SV2B: variants seen among roughly 807,000 people sequenced by gnomAD.
SV2B encodes solute carrier family 22 member B2.
A neutral mutation model predicts 73.9 loss-of-function variants in SV2B; 41 were observed. The observed-to-expected ratio is 0.56, with a 90% CI of 0.43 to 0.72. The LOEUF (loss-of-function observed/expected upper bound fraction) is 0.72, where lower values mean the gene tolerates loss of function less well. SV2B is among the 30% of genes least tolerant of loss of function. The probability of loss-of-function intolerance (pLI) is 0.00; values close to 1 mark genes in which losing one functional copy is unlikely to be tolerated. For missense variants in SV2B, 764 were observed against 857.8 expected (o/e 0.89, Z 1.37); for synonymous variants, 314 against 314.2 (o/e 1.00, Z 0.01).
rs1222208673 is a variant in SV2B, at chr15:91,141,443, A to G, written c.-392+41080A>G. ...CCTAATCCAGGTGATAAGTGAGTTCATTGAGGTATCCTGGTCAAGGGTGGA... is the reference window on the plus strand; with the variant it reads ...CCTAATCCAGGTGATAAGTGAGTTCGTTGAGGTATCCTGGTCAAGGGTGGA... On this transcript the variant is annotated intron_variant, in intron 1 of 12. Transcript: ENST00000394232. The surrounding 1 kb of genome is among the most constrained non-coding windows in gnomAD (Gnocchi z 4.6). Among the ~76,000 whole-genome samples, 1 of 152,200 alleles carries G rather than the reference A, an allele frequency of 6.6e-6. No homozygotes were observed. The highest frequency in any genetic ancestry group is 1.5e-5 in the Non-Finnish European group (1 of 68,042).
Position 91,252,100 on chromosome 15 carries a change from C to T in SV2B, c.632+101C>T. ...GTAACTCTAGAAACCCTTGGACTGA[C>T]TGAGTTTTTGTTTGACTTTCAGGAT... On this transcript the variant is annotated intron_variant, in intron 3 of 12. Transcript: ENST00000394232. This position sits in a 1 kb window ranked among gnomAD's most constrained non-coding sequence, Gnocchi z 4.6. The T allele has an allele frequency of 6.9e-7, 1 of 1,450,818 alleles. No individual in the cohort carries two copies. Among genetic ancestry groups the T allele is most frequent in the Non-Finnish European group, 9.3e-7 (1 of 1,079,040 alleles). 89.9% of individuals were successfully genotyped at this position (1,450,818 alleles called of 1,614,324 possible).
At chr15:91,166,979 AT>A (rs1235703075) in intron 1 of SV2B, among the ~76,000 whole-genome samples, 7 of 151,688 alleles carry the variant, frequency 4.6e-5, no homozygotes, top group African/African-American at 1.5e-4. Context: ...ATGCCCGGCT[AT>A]TTTTTTGTAT....
chr15:91,185,704 G>T (rs1193255868), intron 1 of SV2B, among the ~76,000 whole-genome samples: 1 of 152,178 alleles, frequency 6.6e-6, no homozygotes, highest in African/African-American at 2.4e-5. Flanking sequence ...TGATGATAAT[G>T]GCTGGCATTT....
chr15:91,226,383 TG>T lies in SV2B; in HGVS notation c.121del (p.Glu41ArgfsTer40). The T allele has an allele frequency of 6.2e-7, 1 of 1,614,078 alleles. No individual in the cohort carries two copies. The highest frequency in any genetic ancestry group is 1.1e-5 in the South Asian group (1 of 91,070). ...AGAGTGATGTCACCGAAGGCCATGATGAGGAAGACGAGATCTATGAGGGCGA... is the reference window on the plus strand; with the variant it reads ...AGAGTGATGTCACCGAAGGCCATGATAGGAAGACGAGATCTATGAGGGCGA... Reference protein sequence around the residue: ...AQSDVTEGHDEEDEIYEGEYQ... With the variant: ...AQSDVTEGHDXEDEIYEGEYQ... On this transcript the variant is annotated frameshift_variant, in exon 2 of 13. Coordinates refer to ENST00000394232, the MANE Select transcript of SV2B (RefSeq NM_001323032.3). LOFTEE classifies it high-confidence loss of function.
rs1258857710 is a variant in SV2B, at chr15:91,266,830, C to T, written c.1119+138C>T. The T allele has an allele frequency of 5.8e-5, 36 of 617,198 alleles. No homozygotes were observed. The South Asian group carries it at 5.9e-4, about 10-fold the overall frequency. The allele number at this position is 617,198 out of a possible 1,614,324, so 38.2% of individuals were successfully genotyped here. Reference sequence around the variant, plus strand: ...GAGAGGAAGCAACCCTGGAGGGGGGCGTTTGGGCTCCAGCCCACGTCTGCC... The same window carrying T: ...GAGAGGAAGCAACCCTGGAGGGGGGTGTTTGGGCTCCAGCCCACGTCTGCC... On this transcript the variant is annotated intron_variant, in intron 7 of 12. Transcript: ENST00000394232.
rs1454877862 is a variant in SV2B at position 91,136,812 on chromosome 15, C to G, written c.-392+36449C>G. On this transcript the variant is annotated intron_variant, in intron 1 of 12. Coordinates refer to ENST00000394232, the MANE Select transcript of SV2B (RefSeq NM_001323032.3). The surrounding 1 kb of genome is among the most constrained non-coding windows in gnomAD (Gnocchi z 5.6). ...CATCTGAAGGCTGGCACATGGGATC[C>G]AGAGGTGGGTGGCAGTGATGAAACA... Among the ~76,000 whole-genome samples, 2 of 152,074 alleles carry G rather than the reference C, an allele frequency of 1.3e-5. No individual in the cohort carries two copies. Among genetic ancestry groups the G allele is most frequent in the African/African-American group, 4.8e-5 (2 of 41,406 alleles).
At position 91,301,064 on chromosome 15, in the gene SV2B, A is replaced by G. The variant is rs2049428483; in HGVS notation, c.*8512A>G. On this transcript the variant is annotated 3_prime_UTR_variant, in exon 13 of 13. Transcript: ENST00000394232. The surrounding 1 kb of genome is among the most constrained non-coding windows in gnomAD (Gnocchi z 4.3). ...CGTTTCCCAGTCCCATGTCACATTG[A>G]CCAGTCCTGTGGTCCTATGGCTAAG... is the stretch of plus-strand genomic sequence containing the variant. The G allele has an allele frequency of 6.6e-6, 1 of 152,180 alleles. No individual in the cohort carries two copies. The highest frequency in any genetic ancestry group is 2.4e-5 in the African/African-American group (1 of 41,444). 9.4% of individuals were successfully genotyped at this position (152,180 alleles called of 1,614,324 possible).
chr15:91,151,593 G>A (rs1026189154), intron 1 of SV2B, among the ~76,000 whole-genome samples: 4 of 152,182 alleles, frequency 2.6e-5, no homozygotes, highest in African/African-American at 9.7e-5. Flanking sequence ...TTTTCAAGAA[G>A]GCTAAAATTT....
chr15:91,136,836 C>T lies in SV2B; in HGVS notation c.-392+36473C>T, dbSNP rs1205132402. Among the ~76,000 whole-genome samples, 1 of 152,070 alleles carries T rather than the reference C, an allele frequency of 6.6e-6. No homozygotes were observed. The highest frequency in any genetic ancestry group is 1.5e-5 in the Non-Finnish European group (1 of 68,030). ...CCAGAGGTGGGTGGCAGTGATGAAA[C>T]AAGAGGGCAAGCAGCTTTGGCAGGA... On this transcript the variant is annotated intron_variant, in intron 1 of 12. Transcript: ENST00000394232. The surrounding 1 kb of genome is among the most constrained non-coding windows in gnomAD (Gnocchi z 5.6).
intron 1 of SV2B, among the ~76,000 whole-genome samples, chr15:91,142,454 A>G (rs765370923): frequency 2.0e-5 from 3 of 152,214 alleles, no homozygotes; most frequent in Non-Finnish European, 4.4e-5. Flanking sequence ...TATTTAAGTA[A>G]TGAGATGCTG....
At chr15:91,202,436 A>G (rs1035071721) in intron 1 of SV2B, among the ~76,000 whole-genome samples, 4 of 152,236 alleles carry the variant, frequency 2.6e-5, no homozygotes, top group African/African-American at 4.8e-5. Flanking sequence ...ATTTACCAAC[A>G]TTGTGTCTTC....
chr15:91,251,780 T>G (rs901161078), intron 2 of SV2B, 39 bp from the exon 3 acceptor site: 5 of 1,590,876 alleles, frequency 3.1e-6, no homozygotes, highest in Admixed American at 1.7e-5. Context: ...ATCTTTTGTC[T>G]TTTCTCTCTA....
At position 91,197,374 on chromosome 15, in the gene SV2B, G is replaced by T. The variant is rs2045286903; in HGVS notation, c.-391-28499G>T. 6.6e-6 allele frequency among the ~76,000 whole-genome samples: 1 copy of T among 151,864 alleles called. No homozygotes were observed. The highest frequency in any genetic ancestry group is 2.1e-4 in the South Asian group (1 of 4,814). ...CTCCCGAGTAGCTGGGATTACAGGG[G>T]TCCGCCACCACACCTGTTTTTATAT... On this transcript the variant is annotated intron_variant, in intron 1 of 12. Coordinates refer to ENST00000394232, the MANE Select transcript of SV2B (RefSeq NM_001323032.3). This position sits in a 1 kb window ranked among gnomAD's most constrained non-coding sequence, Gnocchi z 4.9.
chr15:91,203,597 A>G (rs889297347), intron 1 of SV2B, among the ~76,000 whole-genome samples: 1 of 152,242 alleles, frequency 6.6e-6, no homozygotes, highest in African/African-American at 2.4e-5. Flanking sequence ...GTTACGGTTT[A>G]GCTTGGGTTT....
At chr15:91,270,841 G>A (rs142179267) in intron 9 of SV2B, among the ~76,000 whole-genome samples, 1,285 of 117,196 alleles carry the variant, frequency 0.011, 34 homozygotes, top group Admixed American at 0.017. Context: ...GTGGATGATG[G>A]GGGGACGGTG....
intron 4 of SV2B, among the ~76,000 whole-genome samples, chr15:91,254,096 A>G (rs1363666823): frequency 6.6e-6 from 1 of 152,148 alleles, no homozygotes; most frequent in African/African-American, 2.4e-5. Context: ...TTGCCCTTGT[A>G]CTATGTACTA....
intron 1 of SV2B, among the ~76,000 whole-genome samples, chr15:91,221,873 C>G (rs963532802): frequency 6.6e-6 from 1 of 152,202 alleles, no homozygotes; most frequent in Non-Finnish European, 1.5e-5. Flanking sequence ...TTCACTGGCT[C>G]TCTTTTCTCA....
At chr15:91,161,642 G>A (rs1176591282) in intron 1 of SV2B, among the ~76,000 whole-genome samples, 5 of 152,172 alleles carry the variant, frequency 3.3e-5, no homozygotes, top group African/African-American at 1.2e-4. Flanking sequence ...TAGGGAGGGA[G>A]GGGAGAACTG....
chr15:91,101,538 G>T (rs1203657057), intron 1 of SV2B, among the ~76,000 whole-genome samples: 3 of 152,152 alleles, frequency 2.0e-5, no homozygotes, highest in African/African-American at 7.2e-5. Context: ...AGAAGCACTC[G>T]TAATCAGGAG....
Sources: gnomAD v4.1 joint callset for allele counts (sites outside exome capture counted in the v4.1 genomes callset) on GRCh38, gnomAD v4.1.1 for gene constraint, Gnocchi (gnomAD v3.1) non-coding constraint, MANE v1.5 for transcripts, NCBI Gene and HGNC (gene_info 2026-07-23, HGNC 2026-07-21) for gene names.